GRM8: variants seen among roughly 807,000 people sequenced by gnomAD.
The protein encoded by GRM8 is metabotropic glutamate receptor 8.
GRM8 carries 47 observed loss-of-function variants against 87.2 expected under a neutral mutation model. The observed-to-expected ratio is 0.54, with a 90% CI of 0.43 to 0.69. GRM8 has a LOEUF of 0.69. GRM8 is among the 30% of genes least tolerant of loss of function. The pLI, the probability that GRM8 is intolerant of heterozygous loss-of-function variation, is 0.00. For synonymous variants in GRM8, 396 were observed against 404.5 expected (o/e 0.98, Z 0.25); for missense variants, 1,019 against 1,139.2 (o/e 0.89, Z 1.52).
At chr7:126,455,942 T>C (rs916520413) in intron 9 of GRM8, among the ~76,000 whole-genome samples, 32 of 151,324 alleles carry the variant, frequency 2.1e-4, no homozygotes, top group African/African-American at 7.0e-4. Flanking sequence ...CCAATAGAGC[T>C]AAAGAAGGAA....
At position 126,525,629 on chromosome 7, in the gene GRM8, G is replaced by C. The variant is rs930238257; in HGVS notation, c.2430+7323C>G. Among the ~76,000 whole-genome samples, 5 of 152,308 alleles carry C rather than the reference G, an allele frequency of 3.3e-5. No homozygotes were observed. In the South Asian group the frequency reaches 1.0e-3, roughly 32 times the overall value. On this transcript the variant is annotated intron_variant, in intron 9 of 10. Coordinates refer to ENST00000339582, the MANE Select transcript of GRM8 (RefSeq NM_000845.3). ...GAACCACTTATGCATCTTGGGTTGT[G>C]CTTCCCTTCTTTGAATTTCTCCATA...
At chr7:126,698,244 AG>A (rs1333594624) in intron 7 of GRM8, among the ~76,000 whole-genome samples, 2 of 152,126 alleles carry the variant, frequency 1.3e-5, no homozygotes, top group Admixed American at 1.3e-4. Flanking sequence ...CTTCTTCTAC[AG>A]TAAGTGGAAG....
intron 6 of GRM8, among the ~76,000 whole-genome samples, chr7:126,850,377 T>C (rs764864863): frequency 1.3e-5 from 2 of 152,180 alleles, no homozygotes; most frequent in Non-Finnish European, 1.5e-5. Context: ...AGAGCTCTTA[T>C]ATTGTTTATG....
In GRM8 at chr7:126,438,911, C is replaced by A. The variant is rs188157342; in HGVS notation, c.*208G>T. ...GAATAAGCAATACTTTAGCTTGACA[C>A]TCATTGGTTTTATTGTATAAAACGG... On this transcript the variant is annotated 3_prime_UTR_variant, in exon 11 of 11. Transcript: ENST00000339582. 1,108 of 471,688 alleles carry A rather than the reference C, an allele frequency of 2.3e-3. 3 individuals are homozygous for A. Among genetic ancestry groups the A allele is most frequent in the Non-Finnish European group, 3.3e-3 (873 of 263,970 alleles). The allele number at this position is 471,688 out of a possible 1,614,324, so 29.2% of individuals were successfully genotyped here.
At chr7:127,134,281 G>GA (rs1470933040) in intron 2 of GRM8, among the ~76,000 whole-genome samples, 3 of 152,124 alleles carry the variant, frequency 2.0e-5, no homozygotes, top group Non-Finnish European at 2.9e-5. Context: ...CCTTCGTTAA[G>GA]AAAAAATGGC....
At chr7:126,933,662 T>C (rs902524065) in intron 3 of GRM8, among the ~76,000 whole-genome samples, 2 of 152,196 alleles carry the variant, frequency 1.3e-5, no homozygotes, top group African/African-American at 4.8e-5. Flanking sequence ...CAAATCTTGG[T>C]TCCAACAATT....
chr7:126,478,100 A>T (rs902165089), intron 9 of GRM8, among the ~76,000 whole-genome samples: 3 of 152,152 alleles, frequency 2.0e-5, no homozygotes, highest in East Asian at 3.9e-4. Flanking sequence ...CATTAACTTT[A>T]GATCTGCTAA....
At chr7:126,518,856 A>C (rs934397152) in intron 9 of GRM8, among the ~76,000 whole-genome samples, 5 of 152,084 alleles carry the variant, frequency 3.3e-5, no homozygotes, top group Admixed American at 2.6e-4. Context: ...TACCTAGTCA[A>C]GTTCTCATCT....
intron 9 of GRM8, among the ~76,000 whole-genome samples, chr7:126,517,197 C>T (rs922818788): frequency 2.0e-5 from 3 of 151,944 alleles, no homozygotes; most frequent in African/African-American, 7.2e-5. Context: ...ATTTACATAA[C>T]AAGAATATAA....
intron 8 of GRM8, among the ~76,000 whole-genome samples, chr7:126,578,222 G>A (rs1795284942): frequency 6.6e-6 from 1 of 152,088 alleles, no homozygotes; most frequent in South Asian, 2.1e-4. Context: ...CTGACATGTA[G>A]GTTTTTTAAA....
At chr7:126,982,782 T>C (rs1811665982) in intron 3 of GRM8, among the ~76,000 whole-genome samples, 1 of 152,204 alleles carries the variant, frequency 6.6e-6, no homozygotes, top group South Asian at 2.1e-4. Flanking sequence ...CTACTACCCA[T>C]TCTGTATTCC....
At chr7:126,632,922 C>G (rs575317592) in intron 7 of GRM8, among the ~76,000 whole-genome samples, 2 of 151,802 alleles carry the variant, frequency 1.3e-5, no homozygotes, top group African/African-American at 4.8e-5. Context: ...TATAGAGACA[C>G]GTTTTTTTAA....
intron 7 of GRM8, among the ~76,000 whole-genome samples, chr7:126,689,851 G>C (rs1047832838): frequency 4.6e-5 from 7 of 152,132 alleles, no homozygotes; most frequent in Non-Finnish European, 1.0e-4. Flanking sequence ...TATGCTACTG[G>C]ACTCAGAGAG....
At chr7:127,141,237 A>C (rs1051122343) in intron 2 of GRM8, among the ~76,000 whole-genome samples, 1 of 151,812 alleles carries the variant, frequency 6.6e-6, no homozygotes, top group African/African-American at 2.4e-5. Context: ...ACCCCTCCCT[A>C]GTGCCCATCC....
chr7:127,173,191 A>ATG (rs1793916678), intron 2 of GRM8, among the ~76,000 whole-genome samples: 1 of 152,214 alleles, frequency 6.6e-6, no homozygotes, highest in Non-Finnish European at 1.5e-5. Context: ...ATTATGTAAT[A>ATG]TGTTAGAATG....
Position 127,230,139 on chromosome 7 carries a change from T to A in GRM8, c.510+12556A>T, listed in dbSNP as rs1327333571. Among the ~76,000 whole-genome samples the A allele has an allele frequency of 2.7e-5, 4 of 148,356 alleles. No homozygotes were observed. In the East Asian group the frequency reaches 7.9e-4, roughly 29 times the overall value. ...AATTCAACAGCAATTCACCCCTGTT[T>A]AGCTGTTCTACAATGCTGATTAAGA... On this transcript the variant is annotated intron_variant, in intron 2 of 10. Transcript: ENST00000339582.
chr7:126,558,299 C>A (rs181088577), intron 8 of GRM8, among the ~76,000 whole-genome samples: 16 of 152,176 alleles, frequency 1.1e-4, no homozygotes, highest in African/African-American at 3.6e-4. Flanking sequence ...TTAAAACATC[C>A]CTATTGATAT....
At chr7:126,664,955 G>C (rs546501898) in intron 7 of GRM8, among the ~76,000 whole-genome samples, 1 of 152,180 alleles carries the variant, frequency 6.6e-6, no homozygotes, top group African/African-American at 2.4e-5. Flanking sequence ...TAAACAGTGG[G>C]CAAAAGATAT....
intron 2 of GRM8, among the ~76,000 whole-genome samples, chr7:127,235,875 AAAAG>A (rs1229693727): frequency 2.6e-5 from 4 of 152,246 alleles, no homozygotes; most frequent in Admixed American, 6.5e-5. Flanking sequence ...TATTAAGTGA[AAAAG>A]AAAGTCATAA....
Sources: allele counts gnomAD v4.1 joint callset (sites outside exome capture counted in the v4.1 genomes callset), GRCh38; gene constraint gnomAD v4.1.1; transcripts MANE v1.5; gene names NCBI Gene and HGNC (gene_info 2026-07-23, HGNC 2026-07-21).